CTNND2: variants seen among roughly 807,000 people sequenced by gnomAD.
CTNND2 encodes catenin delta-2.
Under a neutral mutation model 144.4 loss-of-function variants are expected in CTNND2, and 22 were observed. That is an observed-to-expected ratio of 0.15 (90% CI 0.11 to 0.22). CTNND2 has a LOEUF of 0.22. CTNND2 is among the 10% of genes least tolerant of loss of function. The pLI is 1.00. For synonymous variants in CTNND2, 751 were observed against 695.6 expected, an observed-to-expected ratio of 1.08 and a Z score of -1.25; for missense variants, 1,353 against 1,618.8, an observed-to-expected ratio of 0.84 and a Z score of 2.82.
chr5:11,540,002 C>G (rs558555308), intron 3 of CTNND2, among the ~76,000 whole-genome samples: 1 of 152,068 alleles, frequency 6.6e-6, no homozygotes, highest in South Asian at 2.1e-4. Context: ...CCACTGCACT[C>G]CAGCCTGGGC....
At chr5:11,860,636 T>C (rs2127024300) in intron 1 of CTNND2, among the ~76,000 whole-genome samples, 1 of 152,384 alleles carries the variant, frequency 6.6e-6, no homozygotes, top group Non-Finnish European at 1.5e-5. Flanking sequence ...ATAAAAGTGC[T>C]ATAATTTACC....
chr5:11,497,266 A>G (rs933204852), intron 3 of CTNND2, among the ~76,000 whole-genome samples: 7 of 151,758 alleles, frequency 4.6e-5, no homozygotes, highest in African/African-American at 1.7e-4. Context: ...TCCAATATCA[A>G]TGGAAACAAA....
At chr5:11,826,025 C>T (rs1793580897) in intron 1 of CTNND2, among the ~76,000 whole-genome samples, 1 of 151,766 alleles carries the variant, frequency 6.6e-6, no homozygotes, top group South Asian at 2.1e-4. Context: ...AATATGGTGA[C>T]AGGAGTAAAT....
At chr5:11,231,768 C>T (rs771986826) in intron 10 of CTNND2, among the ~76,000 whole-genome samples, 7 of 152,228 alleles carry the variant, frequency 4.6e-5, no homozygotes, top group African/African-American at 9.6e-5. Flanking sequence ...GCCAAATGAA[C>T]GTTAATCACC....
chr5:11,579,355 C>A (rs1305178485), intron 2 of CTNND2, among the ~76,000 whole-genome samples: 1 of 152,150 alleles, frequency 6.6e-6, no homozygotes, highest in Admixed American at 6.5e-5. Flanking sequence ...ACAGCCATCA[C>A]CCGTCTACAT....
At chr5:11,792,213 A>G (rs1448385700) in intron 1 of CTNND2, among the ~76,000 whole-genome samples, 2 of 152,204 alleles carry the variant, frequency 1.3e-5, no homozygotes, top group Non-Finnish European at 2.9e-5. Context: ...AAGAACTGAT[A>G]ATAATTATTG....
chr5:11,684,464 T>C (rs1784556281), intron 2 of CTNND2, among the ~76,000 whole-genome samples: 1 of 152,194 alleles, frequency 6.6e-6, no homozygotes, highest in Non-Finnish European at 1.5e-5. Context: ...TTTTAAAGGA[T>C]ATTGTTTCAT....
intron 10 of CTNND2, among the ~76,000 whole-genome samples, chr5:11,233,749 T>A (rs992828651): frequency 6.7e-6 from 1 of 150,346 alleles, no homozygotes; most frequent in Non-Finnish European, 1.5e-5. Context: ...TGTGTGTGTA[T>A]GTGTATATGC....
At chr5:11,306,939 G>A (rs149201031) in intron 9 of CTNND2, among the ~76,000 whole-genome samples, 51 of 152,216 alleles carry the variant, frequency 3.4e-4, no homozygotes, top group African/African-American at 1.2e-3. Context: ...GTCCCTGCGG[G>A]AGCATGCTCA....
At chr5:11,791,219 T>C (rs1337608173) in intron 1 of CTNND2, among the ~76,000 whole-genome samples, 1 of 152,218 alleles carries the variant, frequency 6.6e-6, no homozygotes, top group African/African-American at 2.4e-5. Flanking sequence ...AAGGGTAAGA[T>C]AATACATTTC....
Position 11,683,011 on chromosome 5 carries a change from C to A in CTNND2, c.174+49125G>T, listed in dbSNP as rs1784488365. Among the ~76,000 whole-genome samples the A allele has an allele frequency of 2.6e-5, 4 of 152,192 alleles. No homozygotes were observed. The South Asian group carries it at 8.3e-4, about 32-fold the overall frequency. ...TATTGGAACAGAATACATAGCCCCACAATTTAAATCACATTTTCTACATCA... is the reference window on the plus strand; with the variant it reads ...TATTGGAACAGAATACATAGCCCCAAAATTTAAATCACATTTTCTACATCA... On this transcript the variant is annotated intron_variant, in intron 2 of 21. Coordinates refer to ENST00000304623, the MANE Select transcript of CTNND2 (RefSeq NM_001332.4).
intron 2 of CTNND2, among the ~76,000 whole-genome samples, chr5:11,643,705 T>C (rs989712779): frequency 2.0e-5 from 3 of 152,154 alleles, no homozygotes; most frequent in Non-Finnish European, 4.4e-5. Context: ...TATTAAACTT[T>C]AATGGGATTA....
At chr5:11,426,441 C>G (rs999316717) in intron 3 of CTNND2, among the ~76,000 whole-genome samples, 4 of 152,208 alleles carry the variant, frequency 2.6e-5, no homozygotes, top group African/African-American at 9.6e-5. Context: ...TCTTAAAACT[C>G]TGGACAACTC....
At chr5:11,002,130 T>C (rs1472466980) in intron 18 of CTNND2, among the ~76,000 whole-genome samples, 2 of 152,216 alleles carry the variant, frequency 1.3e-5, no homozygotes, top group Non-Finnish European at 2.9e-5. Context: ...TATGCCCCAA[T>C]TCCTTTTAGG....
intron 1 of CTNND2, among the ~76,000 whole-genome samples, chr5:11,866,364 G>A (rs1473225277): frequency 6.6e-6 from 1 of 152,176 alleles, no homozygotes; most frequent in Non-Finnish European, 1.5e-5. Context: ...ATGGTGATTT[G>A]TTATAGCAGC....
At chr5:11,089,585 G>T (rs1040091171) in intron 15 of CTNND2, among the ~76,000 whole-genome samples, 5 of 152,224 alleles carry the variant, frequency 3.3e-5, no homozygotes, top group African/African-American at 1.2e-4. Flanking sequence ...TTGATTTACA[G>T]CATCAAGTCT....
chr5:11,569,706 T>C (rs926685847), intron 2 of CTNND2, among the ~76,000 whole-genome samples: 4 of 152,148 alleles, frequency 2.6e-5, no homozygotes, highest in African/African-American at 7.2e-5. Flanking sequence ...AGTATAAAAA[T>C]GGACAATTGT....
chr5:11,612,938 G>A (rs1217892030), intron 2 of CTNND2, among the ~76,000 whole-genome samples: 1 of 152,038 alleles, frequency 6.6e-6, no homozygotes, highest in Non-Finnish European at 1.5e-5. Flanking sequence ...TAAAAACACA[G>A]ACTTTCATCA....
chr5:11,385,355 T>G, intron 6 of CTNND2, 126 bp from the exon 7 acceptor site: 1 of 533,136 alleles, frequency 1.9e-6, no homozygotes, highest in Non-Finnish European at 2.4e-6. Flanking sequence ...GGCTCTGCGA[T>G]CCCAGCTGCG....
Sources: gnomAD v4.1 joint callset for allele counts (sites outside exome capture counted in the v4.1 genomes callset) on GRCh38, gnomAD v4.1.1 for gene constraint, MANE v1.5 for transcripts, NCBI Gene and HGNC (gene_info 2026-07-23, HGNC 2026-07-21) for gene names.